The following TRPM3 variants were observed in gnomAD, a reference collection of about 807,000 sequenced individuals.
TRPM3 encodes long transient receptor potential channel 3.
Under a neutral mutation model 181.2 loss-of-function variants are expected in TRPM3, and 77 were observed. The ratio of observed to expected loss-of-function variants is 0.42; its 90% CI spans 0.35 to 0.51. The LOEUF is 0.51. TRPM3 is among the 20% of genes least tolerant of loss of function. TRPM3 has a pLI of 0.01. For synonymous variants in TRPM3, 745 were observed against 796.4 expected (o/e 0.94, Z 1.09); for missense variants, 1,759 against 2,196.7 (o/e 0.80, Z 3.98).
chr9:70,964,895 C>T (rs2097171224), intron 1 of TRPM3, among the ~76,000 whole-genome samples: 1 of 152,016 alleles, frequency 6.6e-6, no homozygotes, highest in Admixed American at 6.6e-5. Context: ...TTCTCTGCCT[C>T]ATTTTAATTT....
intron 1 of TRPM3, among the ~76,000 whole-genome samples, chr9:71,149,270 G>A (rs2075600562): frequency 6.6e-6 from 1 of 152,104 alleles, no homozygotes; most frequent in African/African-American, 2.4e-5. Context: ...GGATATGGTG[G>A]TGTGCACCTG....
intron 1 of TRPM3, among the ~76,000 whole-genome samples, chr9:71,289,686 G>A (rs1404619864): frequency 1.3e-5 from 2 of 151,858 alleles, no homozygotes; most frequent in African/African-American, 4.8e-5. Context: ...TGGCCAACAT[G>A]GTGAAATGTC....
intron 5 of TRPM3, among the ~76,000 whole-genome samples, chr9:70,831,412 G>A (rs1211472069): frequency 1.4e-5 from 2 of 139,952 alleles, no homozygotes; most frequent in Non-Finnish European, 1.5e-5. Context: ...TTTTGGAATT[G>A]TGTGTGTGTG....
chr9:71,159,285 T>C (rs535911517), intron 1 of TRPM3, among the ~76,000 whole-genome samples: 156 of 152,104 alleles, frequency 1.0e-3, no homozygotes, highest in Non-Finnish European at 2.0e-3. Flanking sequence ...AGAGACAGTG[T>C]AGTATAAACA....
At position 71,182,264 on chromosome 9, in the gene TRPM3, C is replaced by T. The variant is rs1009851506; in HGVS notation, c.183+264389G>A. Among the ~76,000 whole-genome samples, 7 of 152,140 alleles carry T rather than the reference C, an allele frequency of 4.6e-5. No individual in the cohort carries two copies. The East Asian group carries it at 1.4e-3, about 29-fold the overall frequency. The stretch of plus-strand genomic sequence containing the variant: ...AGAATTATTGGGGTATATGTGTGTG[C>T]ACATGACAAATATTGTTAATCCACC... On this transcript the variant is annotated intron_variant, in intron 1 of 24. Coordinates refer to the TRPM3 transcript ENST00000357533.
intron 1 of TRPM3, among the ~76,000 whole-genome samples, chr9:71,384,703 T>C (rs1228523400): frequency 6.6e-6 from 1 of 152,242 alleles, no homozygotes; most frequent in Non-Finnish European, 1.5e-5. Flanking sequence ...AAGAAAAGCA[T>C]AACTCTTGTG....
intron 1 of TRPM3, among the ~76,000 whole-genome samples, chr9:71,057,788 T>C (rs1435483078): frequency 6.6e-6 from 1 of 152,082 alleles, no homozygotes; most frequent in Non-Finnish European, 1.5e-5. Context: ...AACTTTTCCA[T>C]ACCTGTAATA....
chr9:71,179,305 G>A (rs1345234573), intron 1 of TRPM3, among the ~76,000 whole-genome samples: 1 of 152,092 alleles, frequency 6.6e-6, no homozygotes, highest in African/African-American at 2.4e-5. Context: ...AAAACGGGCA[G>A]GGAAAAGAAA....
intron 8 of TRPM3, among the ~76,000 whole-genome samples, chr9:70,682,938 T>G (rs981553528): frequency 6.6e-6 from 1 of 152,160 alleles, no homozygotes; most frequent in Non-Finnish European, 1.5e-5. Context: ...GTAGTGAGAA[T>G]AGACACACAG....
chr9:70,976,679 A>G (rs2097305997), intron 1 of TRPM3, among the ~76,000 whole-genome samples: 1 of 152,234 alleles, frequency 6.6e-6, no homozygotes, highest in Admixed American at 6.5e-5. Flanking sequence ...CTGGCTCCCC[A>G]TTTCAGTAGC....
At chr9:70,892,929 G>A (rs370725334) in intron 1 of TRPM3, among the ~76,000 whole-genome samples, 9 of 152,120 alleles carry the variant, frequency 5.9e-5, no homozygotes, top group Middle Eastern at 3.4e-3. Flanking sequence ...CTACATGACC[G>A]GCTATATCCA....
At chr9:71,331,864 G>A (rs371165775) in intron 1 of TRPM3, among the ~76,000 whole-genome samples, 2 of 522 alleles carry the variant, frequency 3.8e-3, no homozygotes, top group Admixed American at 0.021. Flanking sequence ...AGGAGACGGA[G>A]GAGGAGGAAG....
At chr9:71,168,901 C>T (rs1395313669) in intron 1 of TRPM3, among the ~76,000 whole-genome samples, 2 of 152,076 alleles carry the variant, frequency 1.3e-5, no homozygotes, top group African/African-American at 4.8e-5. Context: ...AAGAAGCTAG[C>T]TTCCAGATTT....
At chr9:71,019,065 C>T (rs1473336627) in intron 1 of TRPM3, among the ~76,000 whole-genome samples, 2 of 151,768 alleles carry the variant, frequency 1.3e-5, no homozygotes, top group Non-Finnish European at 2.9e-5. Flanking sequence ...GTCAAAAATG[C>T]ATATAAACAA....
At chr9:71,321,731 T>G (rs1361503614) in intron 1 of TRPM3, among the ~76,000 whole-genome samples, 1 of 152,124 alleles carries the variant, frequency 6.6e-6, no homozygotes, top group Non-Finnish European at 1.5e-5. Flanking sequence ...TAAAGGGGTC[T>G]AAGCTGGGGC....
At chr9:71,350,180 G>A (rs1303529818) in intron 1 of TRPM3, among the ~76,000 whole-genome samples, 1 of 151,848 alleles carries the variant, frequency 6.6e-6, no homozygotes, top group African/African-American at 2.4e-5. Flanking sequence ...ACAAATAAAT[G>A]AGCAAATATC....
At chr9:70,945,956 T>A (rs1400761422) in intron 1 of TRPM3, among the ~76,000 whole-genome samples, 2 of 151,812 alleles carry the variant, frequency 1.3e-5, no homozygotes, top group Non-Finnish European at 2.9e-5. Flanking sequence ...AATAACAAAC[T>A]CTGTTGACCC....
intron 1 of TRPM3, among the ~76,000 whole-genome samples, chr9:71,285,153 T>C (rs938904222): frequency 6.6e-6 from 1 of 152,194 alleles, no homozygotes; most frequent in Admixed American, 6.5e-5. Flanking sequence ...AAGTAAGATA[T>C]TTTACATTTT....
rs528721474 is a variant in TRPM3 at position 71,374,193 on chromosome 9, G to C, written c.183+72460C>G. The stretch of plus-strand genomic sequence containing the variant: ...GAGTTCGAGACCAGCCTGGCCCATG[G>C]TGAAACCCCATCTCTACTAAAAATA... On this transcript the variant is annotated intron_variant, in intron 1 of 24. Coordinates refer to the TRPM3 transcript ENST00000357533. Among the ~76,000 whole-genome samples, 63 of 152,128 alleles carry C rather than the reference G, an allele frequency of 4.1e-4. 1 individual carries two copies. The highest frequency in any genetic ancestry group is 1.4e-3 in the African/African-American group (59 of 41,512).
Sources: allele counts gnomAD v4.1 joint callset (sites outside exome capture counted in the v4.1 genomes callset), GRCh38; gene constraint gnomAD v4.1.1; transcripts MANE v1.5; gene names NCBI Gene and HGNC (gene_info 2026-07-23, HGNC 2026-07-21).